Variants in DYM observed in about 807,000 individuals in gnomAD.
DYM encodes the protein dyggve-Melchior-Clausen syndrome protein.
A neutral mutation model predicts 93.1 loss-of-function variants in DYM; 78 were observed. The observed-to-expected ratio is 0.84, with a 90% CI of 0.70 to 1.01. The LOEUF is 1.01. Among genes scored for constraint, DYM ranks in the 50% least tolerant of loss-of-function variants. The pLI is 0.00. For synonymous variants in DYM, 321 were observed against 319.7 expected (o/e 1.00, Z -0.04); for missense variants, 789 against 845.0 (o/e 0.93, Z 0.82).
At chr18:49,142,020 ATT>A (rs77837968) in intron 15 of DYM, among the ~76,000 whole-genome samples, 7 of 139,496 alleles carry the variant, frequency 5.0e-5, no homozygotes, top group Non-Finnish European at 4.7e-5. Context: ...CGCCCGGCTA[ATT>A]TTTTTTTTTT....
chr18:49,374,344 C>T (rs2067297615), intron 5 of DYM, among the ~76,000 whole-genome samples: 1 of 151,956 alleles, frequency 6.6e-6, no homozygotes, highest in Admixed American at 6.6e-5. Flanking sequence ...ATGGTCAATC[C>T]CAAAAGAAGA....
At chr18:49,096,045 A>T (rs1292875850) in intron 17 of DYM, among the ~76,000 whole-genome samples, 1 of 152,106 alleles carries the variant, frequency 6.6e-6, no homozygotes, top group East Asian at 1.9e-4. Context: ...GTTCAAAAAA[A>T]TCCCACAAAA....
chr18:49,395,001 C>T (rs1331074093), intron 2 of DYM, among the ~76,000 whole-genome samples: 1 of 151,750 alleles, frequency 6.6e-6, no homozygotes, highest in African/African-American at 2.4e-5. Context: ...ACTTAAAATA[C>T]AGACTTAAAT....
intron 14 of DYM, chr18:49,208,612 A>G (rs1231063134): frequency 1.3e-5 from 2 of 152,204 alleles, no homozygotes; most frequent in Non-Finnish European, 2.9e-5. Context: ...ATTTTCACTT[A>G]GATATTATGT....
chr18:49,130,573 AT>A (rs34403965), intron 15 of DYM, among the ~76,000 whole-genome samples: 134,999 of 151,942 alleles, frequency 0.89, 60,286 homozygotes, highest in Middle Eastern at 0.96. Flanking sequence ...TACTAAAACA[AT>A]TTTTTTTTTA....
At chr18:49,174,656 G>C (rs903595840) in intron 14 of DYM, among the ~76,000 whole-genome samples, 32 of 152,140 alleles carry the variant, frequency 2.1e-4, no homozygotes, top group African/African-American at 7.7e-4. Context: ...ATAAGCTCTA[G>C]TTGAGCCAGC....
chr18:49,182,000 T>C (rs562336549), intron 14 of DYM, among the ~76,000 whole-genome samples: 2 of 152,204 alleles, frequency 1.3e-5, no homozygotes, highest in South Asian at 4.1e-4. Flanking sequence ...ATTTGATATG[T>C]TCCATTTTCA....
At chr18:49,243,037 C>T (rs1259564004) in intron 13 of DYM, among the ~76,000 whole-genome samples, 2 of 152,122 alleles carry the variant, frequency 1.3e-5, no homozygotes, top group African/African-American at 4.8e-5. Context: ...AGGGAACGGC[C>T]AAGAGCCAGA....
intron 15 of DYM, chr18:49,126,300 A>G (rs900606360): frequency 6.6e-6 from 1 of 152,222 alleles, no homozygotes; most frequent in Non-Finnish European, 1.5e-5. Context: ...GGGGTAAATT[A>G]TGTACCCTGA....
chr18:49,112,098 C>T (rs2081455529), intron 16 of DYM, among the ~76,000 whole-genome samples: 1 of 152,132 alleles, frequency 6.6e-6, no homozygotes, highest in African/African-American at 2.4e-5. Flanking sequence ...AGGTTTGGTG[C>T]CTGCCTCTGC....
intron 1 of DYM, among the ~76,000 whole-genome samples, chr18:49,459,317 C>T (rs1250006851): frequency 6.6e-6 from 1 of 152,114 alleles, no homozygotes; most frequent in Non-Finnish European, 1.5e-5. Flanking sequence ...CATACTTGTC[C>T]GGTCTATCTC....
chr18:49,242,177 C>G (rs548459761), intron 13 of DYM, among the ~76,000 whole-genome samples: 1 of 152,094 alleles, frequency 6.6e-6, no homozygotes, highest in African/African-American at 2.4e-5. Context: ...TTTGGGAGGC[C>G]GAAGCAGGCA....
chr18:49,198,735 C>T (rs1213584473), intron 14 of DYM, among the ~76,000 whole-genome samples: 1 of 151,528 alleles, frequency 6.6e-6, no homozygotes, highest in Non-Finnish European at 1.5e-5. Flanking sequence ...ACAACAGGTG[C>T]TGGAGAGGAT....
At chr18:49,269,747 A>T (rs1416317835) in intron 11 of DYM, among the ~76,000 whole-genome samples, 1 of 152,196 alleles carries the variant, frequency 6.6e-6, no homozygotes. Flanking sequence ...TTTATAAAGT[A>T]AAAAAGTTCC....
intron 17 of DYM, among the ~76,000 whole-genome samples, chr18:49,087,926 AAT>A (rs2078693806): frequency 6.6e-6 from 1 of 152,216 alleles, no homozygotes. Flanking sequence ...TCTTTTGAGA[AAT>A]ATCTGTTCAT....
chr18:49,331,475 T>C (rs918699306), intron 8 of DYM, among the ~76,000 whole-genome samples: 3 of 152,246 alleles, frequency 2.0e-5, no homozygotes, highest in South Asian at 2.1e-4. Context: ...TGCACCTAAT[T>C]AGTCACATGA....
chr18:49,219,907 G>T (rs1479726716), intron 13 of DYM, among the ~76,000 whole-genome samples: 15 of 76,964 alleles, frequency 1.9e-4, no homozygotes, highest in Non-Finnish European at 6.1e-4. Flanking sequence ...TTCTGGCCAG[G>T]GCAATTAGGC....
Position 49,317,596 on chromosome 18 carries a change from TCCCCCCTCCCCCCTCCCTCC to T in DYM, c.763+14248_763+14267del, listed in dbSNP as rs1192707703. ...CTCTCTCTCTCTCTCTCTCTCTCTC[TCCCCCCTCCCCCCTCCCTCC>T]CTCCCTCCCTCCCTCTCCTATCCTC... On this transcript the variant is annotated intron_variant, in intron 8 of 17. Transcript: ENST00000675505. Among the ~76,000 whole-genome samples, 42 of 31,142 alleles carry T rather than the reference TCCCCCCTCCCCCCTCCCTCC, an allele frequency of 1.3e-3. 1 individual carries two copies. Among genetic ancestry groups the T allele is most frequent in the South Asian group, 8.6e-3 (3 of 350 alleles). 20.4% of individuals were successfully genotyped at this position (31,142 alleles called of 152,430 possible).
intron 1 of DYM, among the ~76,000 whole-genome samples, chr18:49,452,542 A>G (rs970109591): frequency 9.2e-5 from 14 of 152,178 alleles, no homozygotes; most frequent in Non-Finnish European, 1.9e-4. Context: ...TTAGCTAGAT[A>G]CAGAGTGCTG....
Sources: allele counts gnomAD v4.1 joint callset (sites outside exome capture counted in the v4.1 genomes callset), GRCh38; gene constraint gnomAD v4.1.1; transcripts MANE v1.5; gene names NCBI Gene and HGNC (gene_info 2026-07-23, HGNC 2026-07-21).